The following SLC39A10 variants were observed in gnomAD, a reference collection of about 807,000 sequenced individuals.
SLC39A10 encodes solute carrier family 39 member 10, also known as zinc transporter ZIP10.
Under a neutral mutation model 65.1 loss-of-function variants are expected in SLC39A10, and 13 were observed. That is an observed-to-expected ratio of 0.20 (90% CI 0.13 to 0.32). SLC39A10 has a LOEUF of 0.32. SLC39A10 is among the 10% of genes least tolerant of loss of function. The pLI is 1.00. For missense variants in SLC39A10, 831 were observed against 1,018.4 expected, an observed-to-expected ratio of 0.82 and a Z score of 2.50; for synonymous variants, 321 against 342.2, an observed-to-expected ratio of 0.94 and a Z score of 0.68.
chr2:195,645,880 G>T (rs1160715347), intron 2 of SLC39A10, among the ~76,000 whole-genome samples: 1 of 152,188 alleles, frequency 6.6e-6, no homozygotes, highest in Non-Finnish European at 1.5e-5. Flanking sequence ...GAAGCTTAAT[G>T]ATCACGTTAA....
rs1323882896 is a variant in SLC39A10 at position 195,623,060 on chromosome 2, A to T, written c.-12+16827A>T. 4.6e-5 allele frequency among the ~76,000 whole-genome samples: 7 copies of T among 151,938 alleles called. No individual in the cohort carries two copies. The South Asian group carries it at 1.5e-3, about 32-fold the overall frequency. On this transcript the variant is annotated intron_variant, in intron 2 of 2. Transcript: ENST00000458054. The stretch of plus-strand genomic sequence containing the variant: ...TAGACAGAAAGGACAATAGCTAGAG[A>T]TGCCACAGAGATAATGTCACCAAGC...
At chr2:195,682,374 C>G (rs1690356796) in intron 2 of SLC39A10, among the ~76,000 whole-genome samples, 1 of 152,062 alleles carries the variant, frequency 6.6e-6, no homozygotes, top group Non-Finnish European at 1.5e-5. Context: ...TGGTTTTCAG[C>G]AGTTATAAAC....
intron 2 of SLC39A10, among the ~76,000 whole-genome samples, chr2:195,618,303 A>T (rs1233492315): frequency 1.3e-5 from 2 of 150,506 alleles, no homozygotes; most frequent in Non-Finnish European, 2.9e-5. Context: ...GTGAGCTGAG[A>T]TCGTGCCATT....
chr2:195,644,709 G>A (rs537366571), intron 2 of SLC39A10, among the ~76,000 whole-genome samples: 2 of 151,806 alleles, frequency 1.3e-5, no homozygotes, highest in Admixed American at 1.3e-4. Flanking sequence ...GGAGGCTGAG[G>A]TGGAAGGATC....
chr2:195,684,603 ACTTT>A (rs1690453242), intron 3 of SLC39A10, among the ~76,000 whole-genome samples: 1 of 151,706 alleles, frequency 6.6e-6, no homozygotes, highest in South Asian at 2.1e-4. Context: ...GAACTCTTTG[ACTTT>A]CTTTTTCTCT....
At chr2:195,686,598 T>C (rs1690537925) in intron 3 of SLC39A10, among the ~76,000 whole-genome samples, 2 of 152,194 alleles carry the variant, frequency 1.3e-5, no homozygotes, top group African/African-American at 2.4e-5. Context: ...TACCATGTGC[T>C]GTACTAAACA....
chr2:195,715,525 CAAAAAA>C (rs545656309), intron 6 of SLC39A10, among the ~76,000 whole-genome samples: 3 of 61,636 alleles, frequency 4.9e-5, no homozygotes, highest in South Asian at 6.3e-4. Context: ...GACTCTGTCT[CAAAAAA>C]AAAAAAAAAA....
At chr2:195,682,723 A>T (rs1378443582) in intron 2 of SLC39A10, among the ~76,000 whole-genome samples, 1 of 152,092 alleles carries the variant, frequency 6.6e-6, no homozygotes, top group African/African-American at 2.4e-5. Flanking sequence ...TGCTATTCTG[A>T]TAGGTCTGAT....
At chr2:195,685,832 T>C (rs759584260) in intron 3 of SLC39A10, among the ~76,000 whole-genome samples, 22 of 152,342 alleles carry the variant, frequency 1.4e-4, no homozygotes, top group South Asian at 6.2e-4. Context: ...TAAGCTCTTA[T>C]GTTGATTGAA....
Position 195,680,921 on chromosome 2 carries a change from A to T in SLC39A10, c.879A>T (p.Gly293=). The part of the protein sequence containing the change: ...PERNGHDPGR[G]HQDLDPDNEG... ...GTAATGGTCATGATCCTGGTCGTGG[A>T]CACCAAGATCTTGATCCTGATAATG... Residue 293 remains glycine, a synonymous_variant, in exon 2 of 10, where the codon GGA becomes GGT. Transcript: ENST00000359634. 6.2e-7 allele frequency: 1 copy of T among 1,614,136 alleles called. No individual in the cohort carries two copies. The highest frequency in any genetic ancestry group is 1.1e-5 in the South Asian group (1 of 91,074).
intron 2 of SLC39A10, among the ~76,000 whole-genome samples, chr2:195,616,297 GGATTGATT>G (rs111926219): frequency 2.8e-4 from 42 of 150,888 alleles, no homozygotes; most frequent in African/African-American, 9.8e-4. Context: ...ATTTCAATTT[GGATTGATT>G]GATTGATTGA....
At chr2:195,731,555 G>C (rs955898486) in intron 9 of SLC39A10, among the ~76,000 whole-genome samples, 22 of 152,090 alleles carry the variant, frequency 1.4e-4, no homozygotes, top group East Asian at 5.8e-4. Flanking sequence ...TTTATATATA[G>C]TTAGTATTTC....
intron 1 of SLC39A10, among the ~76,000 whole-genome samples, chr2:195,664,764 A>G (rs1377543350): frequency 1.3e-5 from 2 of 152,242 alleles, no homozygotes; most frequent in African/African-American, 2.4e-5. Context: ...GAAAGTAAGT[A>G]TATGACAAAA....
At chr2:195,734,053 C>A (rs964044736) in intron 9 of SLC39A10, among the ~76,000 whole-genome samples, 5 of 147,018 alleles carry the variant, frequency 3.4e-5, no homozygotes, top group Admixed American at 1.4e-4. Context: ...CCAAGTATCT[C>A]TTTGCTGTCA....
chr2:195,659,867 T>A (rs536776185), intron 1 of SLC39A10, among the ~76,000 whole-genome samples: 1 of 152,146 alleles, frequency 6.6e-6, no homozygotes, highest in South Asian at 2.1e-4. Context: ...CTCCACTCCC[T>A]CCTTGACTAC....
At chr2:195,672,139 T>G (rs1689885657) in intron 1 of SLC39A10, among the ~76,000 whole-genome samples, 1 of 152,050 alleles carries the variant, frequency 6.6e-6, no homozygotes, top group African/African-American at 2.4e-5. Context: ...ATTTTTTTTT[T>G]CTTTTGAGAC....
intron 8 of SLC39A10, among the ~76,000 whole-genome samples, chr2:195,718,616 A>G (rs1431090393): frequency 6.6e-6 from 1 of 152,188 alleles, no homozygotes; most frequent in Non-Finnish European, 1.5e-5. Context: ...TATAACTTTT[A>G]AAAAGAAATA....
At chr2:195,616,115 C>T (rs1023442055) in intron 2 of SLC39A10, among the ~76,000 whole-genome samples, 8 of 151,938 alleles carry the variant, frequency 5.3e-5, no homozygotes, top group South Asian at 2.1e-4. Flanking sequence ...GCCACCAGTC[C>T]GGCTAATTTT....
At chr2:195,731,653 A>G (rs1303223585) in intron 9 of SLC39A10, among the ~76,000 whole-genome samples, 2 of 152,236 alleles carry the variant, frequency 1.3e-5, no homozygotes, top group Non-Finnish European at 2.9e-5. Context: ...AAGAAAAGTC[A>G]TAACTACAGT....
Sources: allele counts gnomAD v4.1 joint callset (sites outside exome capture counted in the v4.1 genomes callset), GRCh38; gene constraint gnomAD v4.1.1; transcripts MANE v1.5; gene names NCBI Gene and HGNC (gene_info 2026-07-23, HGNC 2026-07-21).